Variants in WDR86 observed in about 807,000 individuals in gnomAD.
The protein encoded by WDR86 is WD repeat domain 86, also known as WD repeat-containing protein 86.
A neutral mutation model predicts 36.5 loss-of-function variants in WDR86; 30 were observed. The observed-to-expected ratio is 0.82, with a 90% CI of 0.61 to 1.11. WDR86 has a LOEUF of 1.11. Ranked by LOEUF, WDR86 falls within the 50% of genes most tolerant of loss-of-function variation. WDR86 has a pLI of 0.00. For synonymous variants in WDR86, 255 were observed against 252.9 expected (o/e 1.01, Z -0.08); for missense variants, 545 against 561.2 (o/e 0.97, Z 0.29).
chr7:151,404,492 A>G (rs933278097), intron 1 of WDR86, among the ~76,000 whole-genome samples: 5 of 152,122 alleles, frequency 3.3e-5, no homozygotes, highest in African/African-American at 1.2e-4. Flanking sequence ...GCCTCCACTG[A>G]CCCAGGCCTG....
At chr7:151,393,239 T>C (rs948461354) in intron 3 of WDR86, among the ~76,000 whole-genome samples, 1 of 152,186 alleles carries the variant, frequency 6.6e-6, no homozygotes, top group Non-Finnish European at 1.5e-5. Flanking sequence ...CTGTGGGGTG[T>C]GCGTTCACAC....
chr7:151,375,806 G>T (rs200617112), downstream of WDR86: 4 of 1,316,110 alleles, frequency 3.0e-6, no homozygotes, highest in Non-Finnish European at 3.3e-6. Context: ...AATGTGTGAA[G>T]AGTTCTTAGT....
At chr7:151,398,711 G>A (rs559928176) in intron 2 of WDR86, among the ~76,000 whole-genome samples, 9 of 152,252 alleles carry the variant, frequency 5.9e-5, no homozygotes, top group South Asian at 4.1e-4. Flanking sequence ...GTGTGTGTGC[G>A]CACATGTGTA....
chr7:151,393,448 C>T (rs564370322), intron 3 of WDR86, among the ~76,000 whole-genome samples: 2 of 152,258 alleles, frequency 1.3e-5, no homozygotes, highest in African/African-American at 4.8e-5. Context: ...CCCGGGGAAT[C>T]CTGCCACCCC....
chr7:151,378,152 C>A (rs979460241), downstream of WDR86: 1 of 152,146 alleles, frequency 6.6e-6, no homozygotes, highest in Non-Finnish European at 1.5e-5. Context: ...CCAGCAGTAA[C>A]CGTCCTCACT....
At chr7:151,382,066 G>A (rs1425457371) in intron 4 of WDR86, 85 bp from the exon 5 acceptor site, 8 of 1,233,126 alleles carry the variant, frequency 6.5e-6, no homozygotes, top group Non-Finnish European at 9.2e-6. Context: ...GTGACCTGGG[G>A]CGTCTCCGAG....
chr7:151,376,686 T>G (rs1798289957), downstream of WDR86: 1 of 1,611,108 alleles, frequency 6.2e-7, no homozygotes, highest in Non-Finnish European at 8.5e-7. Context: ...CTGAGAGTGT[T>G]CAGAGGCAAC....
chr7:151,392,175 C>T (rs1425755119), intron 3 of WDR86, among the ~76,000 whole-genome samples: 3 of 152,188 alleles, frequency 2.0e-5, no homozygotes, highest in Non-Finnish European at 2.9e-5. Flanking sequence ...GACCCCAGCT[C>T]TGATCGGGGC....
rs938765791 is a variant in WDR86, at chr7:151,381,648, C to T, written c.1065G>A (p.Met355Ile). 6 of 1,394,714 alleles carry T rather than the reference C, an allele frequency of 4.3e-6. No homozygotes were observed. The African/African-American group carries it at 7.7e-5, about 18-fold the overall frequency. The allele number at this position is 1,394,714 out of a possible 1,614,324, so 86.4% of individuals were successfully genotyped here. ...TGCTGAAGAGCCGCGAGAGGCTGCG[C>T]ATGGGCGGAGGGGGCCGCGGGGCAC... ...LRGAPRPPPP[M>I]RSLSRLFSNK... is the part of the protein sequence containing the mutation. The change falls in exon 6 of 6, where the codon ATG becomes ATA. Residue 355 changes from methionine to isoleucine, a missense_variant. Coordinates refer to ENST00000334493, the MANE Select transcript of WDR86 (RefSeq NM_198285.3). The surrounding 1 kb of genome is among the most constrained non-coding windows in gnomAD (Gnocchi z 4.8).
rs1213829326 is a variant in WDR86 at position 151,381,457 on chromosome 7, C to T, written c.*125G>A. The T allele has an allele frequency of 6.7e-7, 1 of 1,490,026 alleles. No homozygotes were observed. The highest frequency in any genetic ancestry group is 1.3e-5 in the South Asian group (1 of 79,508). 92.3% of individuals were successfully genotyped at this position (1,490,026 alleles called of 1,614,324 possible). A position where few individuals can be genotyped will look rare whatever the true frequency, so the allele number is the denominator to read the frequency against. On this transcript the variant is annotated 3_prime_UTR_variant, in exon 6 of 6. Coordinates refer to ENST00000334493, the MANE Select transcript of WDR86 (RefSeq NM_198285.3). This position sits in a 1 kb window ranked among gnomAD's most constrained non-coding sequence, Gnocchi z 4.8. ...CCAGACGCCTGCGACGGGCTCTCCTCCCGCCCGGGCTTCCTCGCTCCTCGC... is the reference window on the plus strand; with the variant it reads ...CCAGACGCCTGCGACGGGCTCTCCTTCCGCCCGGGCTTCCTCGCTCCTCGC...
downstream of WDR86, among the ~76,000 whole-genome samples, chr7:151,372,841 C>T (rs896507555): frequency 4.6e-5 from 7 of 152,042 alleles, no homozygotes; most frequent in Non-Finnish European, 8.8e-5. Context: ...GTAATGGGGG[C>T]ATGAGACAGG....
the WDR86 span, chr7:151,369,030 CAG>C: frequency 7.3e-6 from 7 of 957,544 alleles, no homozygotes; most frequent in East Asian, 1.5e-4. Context: ...TTTCTTGAGA[CAG>C]AGTCTCACTT....
At chr7:151,380,952 C>G (rs540953139), downstream of WDR86, among the ~76,000 whole-genome samples, 3 of 152,274 alleles carry the variant, frequency 2.0e-5, no homozygotes, top group African/African-American at 7.2e-5. Flanking sequence ...CTTCCTGCAC[C>G]AGTGACACTG....
chr7:151,377,325 A>T, downstream of WDR86: 128 of 684,162 alleles, frequency 1.9e-4, no homozygotes, highest in East Asian at 4.6e-4. Flanking sequence ...CTGAATTACA[A>T]GTCCTCTTTG....
In WDR86 at chr7:151,409,418, A is replaced by T; in HGVS notation, c.163+9T>A. On this transcript the variant is annotated intron_variant, in intron 1 of 5. Transcript: ENST00000334493. The surrounding 1 kb of genome is among the most constrained non-coding windows in gnomAD (Gnocchi z 5.2). Reference sequence around the variant, plus strand: ...GCGAAGAGGTCAGGGAGGGAGTGGGAGGGTCTACCTTGCAGGAGCGCGCAG... The same window carrying T: ...GCGAAGAGGTCAGGGAGGGAGTGGGTGGGTCTACCTTGCAGGAGCGCGCAG... The T allele has an allele frequency of 6.4e-7, 1 of 1,555,168 alleles. No homozygotes were observed. Among genetic ancestry groups the T allele is most frequent in the Non-Finnish European group, 8.7e-7 (1 of 1,153,626 alleles).
At chr7:151,382,026 C>T in intron 4 of WDR86, 45 bp from the exon 5 acceptor site, 1 of 1,532,182 alleles carries the variant, frequency 6.5e-7, no homozygotes, top group Non-Finnish European at 8.9e-7. Flanking sequence ...CTGCTCGGCC[C>T]CCCGCAAGCA....
chr7:151,375,509 A>G (rs1251225870), downstream of WDR86, among the ~76,000 whole-genome samples: 1 of 152,240 alleles, frequency 6.6e-6, no homozygotes, highest in Non-Finnish European at 1.5e-5. Flanking sequence ...TGACGCTTTC[A>G]AAGATCAATC....
chr7:151,393,685 A>G (rs1426518730), intron 3 of WDR86, among the ~76,000 whole-genome samples: 1 of 151,982 alleles, frequency 6.6e-6, no homozygotes, highest in Non-Finnish European at 1.5e-5. Context: ...CACAGACATG[A>G]GCCAGGTAGG....
rs1280428702 is a variant in WDR86 at position 151,396,088 on chromosome 7, G to T, written c.414C>A (p.Asn138Lys). The change falls in exon 3 of 6, where the codon AAC becomes AAA. Residue 138 changes from asparagine (N) to lysine (K), a missense_variant. Transcript: ENST00000334493. ...QMSREFRGHR[N>K]CVLTLAYSAP... ...CAGAGTAGGCTAGGGTCAGCACGCAGTTGCGGTGGCCCCGGAACTCCCGGG... is the reference window on the plus strand; with the variant it reads ...CAGAGTAGGCTAGGGTCAGCACGCATTTGCGGTGGCCCCGGAACTCCCGGG... 6.2e-7 allele frequency: 1 copy of T among 1,612,810 alleles called. No homozygotes were observed. The highest frequency in any genetic ancestry group is 8.5e-7 in the Non-Finnish European group (1 of 1,179,862).
Sources: gnomAD v4.1 joint callset for allele counts (sites outside exome capture counted in the v4.1 genomes callset) on GRCh38, gnomAD v4.1.1 for gene constraint, Gnocchi (gnomAD v3.1) non-coding constraint, MANE v1.5 for transcripts, NCBI Gene and HGNC (gene_info 2026-07-23, HGNC 2026-07-21) for gene names.